TPP2: variants seen among roughly 807,000 people sequenced by gnomAD.
TPP2 encodes the protein tripeptidyl-peptidase 2.
TPP2 carries 34 observed loss-of-function variants against 155.9 expected under a neutral mutation model. The observed-to-expected ratio is 0.22, with a 90% CI of 0.17 to 0.29. TPP2 has a LOEUF of 0.29. TPP2 is among the 10% of genes least tolerant of loss of function. The pLI, the probability that TPP2 is intolerant of heterozygous loss-of-function variation, is 1.00. For synonymous variants in TPP2, 510 were observed against 529.4 expected, an observed-to-expected ratio of 0.96 and a Z score of 0.50; for missense variants, 1,028 against 1,522.3, an observed-to-expected ratio of 0.68 and a Z score of 5.40.
chr13:102,629,735 A>AACTTATAGTCT, intron 9 of TPP2, 126 bp downstream of exon 9: 1 of 1,296,368 alleles, frequency 7.7e-7, no homozygotes, highest in South Asian at 1.9e-5. Context: ...GTCCTCAGGA[A>AACTTATAGTCT]ACTTATAGTC....
intron 4 of TPP2, among the ~76,000 whole-genome samples, chr13:102,616,920 T>G (rs1880778912): frequency 8.2e-6 from 1 of 121,574 alleles, no homozygotes; most frequent in Non-Finnish European, 1.8e-5. Flanking sequence ...TGTTTTTTGT[T>G]TTTTTTTTTT....
chr13:102,620,147 TC>T (rs986867174), intron 5 of TPP2, among the ~76,000 whole-genome samples: 2 of 152,230 alleles, frequency 1.3e-5, no homozygotes, highest in African/African-American at 4.8e-5. Context: ...GGAAAAGGAA[TC>T]CGGAGTCAGG....
intron 5 of TPP2, among the ~76,000 whole-genome samples, chr13:102,621,122 G>A (rs1054197069): frequency 6.6e-6 from 1 of 152,260 alleles, no homozygotes; most frequent in Admixed American, 6.5e-5. Context: ...GTCCTCTGTC[G>A]TGTTATTTAG....
Position 102,629,546 on chromosome 13 carries a change from G to A in TPP2, c.1081G>A (p.Gly361Arg). 1 of 1,543,230 alleles carries A rather than the reference G, an allele frequency of 6.5e-7. No homozygotes were observed. Among genetic ancestry groups the A allele is most frequent in the Non-Finnish European group, 8.7e-7 (1 of 1,154,516 alleles). Residue 361 changes from glycine to arginine, a missense_variant, in exon 9 of 30, where the codon GGA (glycine) becomes AGA (arginine). By Grantham distance (125) the Gly-to-Arg change is moderately radical. Around this residue, in one of 7 missense-constraint regions of TPP2, gnomAD observed 63 missense variants for 165.7 expected, o/e 0.38. Coordinates refer to ENST00000376052, the MANE Select transcript of TPP2 (RefSeq NM_001330588.2). ...TAATATAATTTATGTTTCAAGTGCT[G>A]GAAATAATGGTCCATGCCTGTCTAC... ...KHNIIYVSSA[G>R]NNGPCLSTVG... is the part of the protein sequence containing the mutation.
At chr13:102,662,129 A>T (rs960158703) in intron 25 of TPP2, among the ~76,000 whole-genome samples, 2 of 152,192 alleles carry the variant, frequency 1.3e-5, no homozygotes, top group Non-Finnish European at 2.9e-5. Context: ...CCTTGAAAAT[A>T]GTATGTTAAG....
At chr13:102,630,437 A>G (rs1222607338) in intron 10 of TPP2, among the ~76,000 whole-genome samples, 1 of 152,214 alleles carries the variant, frequency 6.6e-6, no homozygotes, top group African/African-American at 2.4e-5. Context: ...CTATATCCAT[A>G]ATTCTTCATT....
chr13:102,600,653 T>C (rs1210750753), intron 1 of TPP2, among the ~76,000 whole-genome samples: 1 of 152,184 alleles, frequency 6.6e-6, no homozygotes, highest in Non-Finnish European at 1.5e-5. Context: ...TAATGTTAAA[T>C]GTTTTTGTTG....
chr13:102,655,773 G>T (rs1199558491), intron 24 of TPP2, among the ~76,000 whole-genome samples: 1 of 152,064 alleles, frequency 6.6e-6, no homozygotes, highest in Non-Finnish European at 1.5e-5. Flanking sequence ...GCTCTGTGCT[G>T]CCGGGTTTTC....
chr13:102,614,246 T>C, intron 3 of TPP2, 50 bp downstream of exon 3: 1 of 1,414,248 alleles, frequency 7.1e-7, no homozygotes, highest in Non-Finnish European at 9.7e-7. Flanking sequence ...ACTTGTCTTC[T>C]TCCTCAGATT....
At chr13:102,638,177 C>CGG in intron 14 of TPP2, 62 bp from the exon 15 acceptor site, 1 of 1,452,570 alleles carries the variant, frequency 6.9e-7, no homozygotes, top group Non-Finnish European at 9.6e-7. Context: ...TAGTTTAGAC[C>CGG]TTCCCCCGCT....
Position 102,638,245 on chromosome 13 carries a change from G to A in TPP2, c.1843G>A (p.Gly615Ser). Reference sequence around the variant, plus strand: ...TACCGATTCTTTTTTCAAGGTATGTGGCTATGATATAGCATCCCCTAACGC... The same window carrying A: ...TACCGATTCTTTTTTCAAGGTATGTAGCTATGATATAGCATCCCCTAACGC... ...REGLHYTEVC[G>S]YDIASPNAGP... The change falls in exon 15 of 30, where the codon GGC becomes AGC. Residue 615 changes from glycine to serine, a missense_variant. This residue lies in a region of TPP2 where 325 missense variants were observed against 463.7 expected (regional missense o/e 0.70). Transcript: ENST00000376052. 1 of 1,612,068 alleles carries A rather than the reference G, an allele frequency of 6.2e-7. No homozygotes were observed. Among genetic ancestry groups the A allele is most frequent in the Non-Finnish European group, 8.5e-7 (1 of 1,179,820 alleles).
At chr13:102,618,947 G>A (rs555354149) in intron 5 of TPP2, 101 bp downstream of exon 5, 101 of 1,384,882 alleles carry the variant, frequency 7.3e-5, no homozygotes, top group South Asian at 3.0e-4. Context: ...TGGTTTATTC[G>A]TGATATCACT....
chr13:102,607,578 G>T (rs978607919), intron 2 of TPP2: 2 of 385,076 alleles, frequency 5.2e-6, no homozygotes, highest in African/African-American at 2.1e-5. Context: ...AGTATTACTC[G>T]AGCATTTATT....
intron 24 of TPP2, among the ~76,000 whole-genome samples, chr13:102,656,623 G>A (rs1288417043): frequency 6.6e-6 from 1 of 151,920 alleles, no homozygotes; most frequent in Non-Finnish European, 1.5e-5. Flanking sequence ...AGTCCTGTTG[G>A]TTGGACTCAG....
chr13:102,650,532 T>G, intron 23 of TPP2, among the ~76,000 whole-genome samples: 1 of 152,164 alleles, frequency 6.6e-6, no homozygotes, highest in Admixed American at 6.5e-5. Flanking sequence ...GTTAATGGTT[T>G]GTAATTAATA....
chr13:102,666,394 T>G (rs576902403), intron 27 of TPP2, among the ~76,000 whole-genome samples: 1 of 152,314 alleles, frequency 6.6e-6, no homozygotes, highest in South Asian at 2.1e-4. Context: ...CCTCATTGTG[T>G]TCCTTTCTGT....
chr13:102,648,771 A>T, intron 21 of TPP2, 136 bp from the exon 22 acceptor site: 1 of 1,181,304 alleles, frequency 8.5e-7, no homozygotes, highest in Non-Finnish European at 1.1e-6. Flanking sequence ...GAACGTCTGG[A>T]TAGTTAGTTC....
chr13:102,648,667 C>G (rs1039992296), intron 21 of TPP2, among the ~76,000 whole-genome samples: 1 of 152,010 alleles, frequency 6.6e-6, no homozygotes, highest in African/African-American at 2.4e-5. Flanking sequence ...GACTTCAGCT[C>G]TCTTATACTT....
chr13:102,653,053 G>C (rs1471838426), intron 24 of TPP2, among the ~76,000 whole-genome samples: 1 of 152,140 alleles, frequency 6.6e-6, no homozygotes, highest in Non-Finnish European at 1.5e-5. Flanking sequence ...GAATTAGGTT[G>C]TATAGTTAGG....
Sources: allele counts gnomAD v4.1 joint callset (sites outside exome capture counted in the v4.1 genomes callset), GRCh38; gene constraint gnomAD v4.1.1; regional missense constraint gnomAD v4.1.1; transcripts MANE v1.5; gene names NCBI Gene and HGNC (gene_info 2026-07-23, HGNC 2026-07-21).